Variants in ACOT13 observed in about 807,000 individuals in gnomAD.
ACOT13 encodes the protein acyl-CoA thioesterase 13.
Under a neutral mutation model 11.8 loss-of-function variants are expected in ACOT13, and 10 were observed. The observed-to-expected ratio is 0.85, with a 90% CI of 0.53 to 1.44. The LOEUF (loss-of-function observed/expected upper bound fraction) is 1.44, where lower values mean the gene tolerates loss of function less well. Among genes scored for constraint, ACOT13 ranks in the 40% most tolerant of loss-of-function variants. ACOT13 has a pLI of 0.00. For synonymous variants in ACOT13, 53 were observed against 61.0 expected (o/e 0.87, Z 0.61); for missense variants, 172 against 174.1 (o/e 0.99, Z 0.07).
At chr6:24,668,558 G>C (rs1778303993) in intron 1 of ACOT13, among the ~76,000 whole-genome samples, 1 of 152,206 alleles carries the variant, frequency 6.6e-6, no homozygotes, top group African/African-American at 2.4e-5. Flanking sequence ...GGACACTCCT[G>C]TGTTTGGGGT....
At chr6:24,696,144 C>T (rs1328866069) in intron 1 of ACOT13, among the ~76,000 whole-genome samples, 1 of 152,148 alleles carries the variant, frequency 6.6e-6, no homozygotes, top group African/African-American at 2.4e-5. Flanking sequence ...ATTGATTTAC[C>T]TGTTTTGCAA....
intron 1 of ACOT13, among the ~76,000 whole-genome samples, chr6:24,668,353 G>A (rs1778299858): frequency 6.6e-6 from 1 of 150,504 alleles, no homozygotes; most frequent in Non-Finnish European, 1.5e-5. Context: ...CAAGTAGCTG[G>A]GATGATTACA....
rs1045454930 is a variant in ACOT13, at chr6:24,703,322, C to G, written c.*1707C>G. ...ATTAGATCGCCTGCTGATCTGTCCA[C>G]TGTGAAAGGGCAGAAGACTCCACAG... is the stretch of plus-strand genomic sequence containing the variant. On this transcript the variant is annotated 3_prime_UTR_variant, in exon 3 of 3. Coordinates refer to ENST00000230048, the MANE Select transcript of ACOT13 (RefSeq NM_018473.4). 6.6e-6 allele frequency: 1 copy of G among 152,224 alleles called. No homozygotes were observed. The highest frequency in any genetic ancestry group is 6.5e-5 in the Admixed American group (1 of 15,290). 9.4% of individuals were successfully genotyped at this position (152,224 alleles called of 1,614,324 possible).
intron 1 of ACOT13, among the ~76,000 whole-genome samples, chr6:24,691,053 C>G (rs1319618111): frequency 6.6e-6 from 1 of 152,204 alleles, no homozygotes; most frequent in East Asian, 1.9e-4. Flanking sequence ...GGAGCCAAGT[C>G]CATATGCTTA....
At position 24,703,349 on chromosome 6, in the gene ACOT13, A is replaced by T. The variant is rs145726488; in HGVS notation, c.*1734A>T. The T allele has an allele frequency of 1.3e-5, 2 of 152,390 alleles. No individual in the cohort carries two copies. Among genetic ancestry groups the T allele is most frequent in the Non-Finnish European group, 2.9e-5 (2 of 68,038 alleles). 9.4% of individuals were successfully genotyped at this position (152,390 alleles called of 1,614,324 possible). A position where few individuals can be genotyped will look rare whatever the true frequency, so the allele number is the denominator to read the frequency against. ...GTGAAAGGGCAGAAGACTCCACAGT[A>T]GCAATAGCAGCAGTGAGCATACAGG... On this transcript the variant is annotated 3_prime_UTR_variant, in exon 3 of 3. Coordinates refer to ENST00000230048, the MANE Select transcript of ACOT13 (RefSeq NM_018473.4).
At chr6:24,691,926 G>A (rs1430142362) in intron 1 of ACOT13, among the ~76,000 whole-genome samples, 3 of 152,172 alleles carry the variant, frequency 2.0e-5, no homozygotes, top group Admixed American at 2.0e-4. Context: ...TATCACTTTT[G>A]CACTGTTGTT....
rs933953280 is a variant in ACOT13 at position 24,698,169 on chromosome 6, A to C, written c.266+102A>C. On this transcript the variant is annotated intron_variant, in intron 2 of 2. Transcript: ENST00000230048. Reference sequence around the variant, plus strand: ...TATTAGTAACGCATGAGATTCAATTAGCTGCTTATCTCCTTAACTGCACCT... The same window carrying C: ...TATTAGTAACGCATGAGATTCAATTCGCTGCTTATCTCCTTAACTGCACCT... The C allele has an allele frequency of 9.5e-6, 10 of 1,052,452 alleles. No homozygotes were observed. In the African/African-American group the frequency reaches 1.5e-4, roughly 16 times the overall value. 65.2% of individuals were successfully genotyped at this position (1,052,452 alleles called of 1,614,324 possible). A position where few individuals can be genotyped will look rare whatever the true frequency, so the allele number is the denominator to read the frequency against.
chr6:24,668,041 TG>T (rs1198916267), intron 1 of ACOT13, among the ~76,000 whole-genome samples: 1 of 151,938 alleles, frequency 6.6e-6, no homozygotes, highest in Non-Finnish European at 1.5e-5. Flanking sequence ...CCCGAGTGGC[TG>T]GGATTACAGG....
At chr6:24,701,285 T>C (rs776749145) in intron 2 of ACOT13, 174 bp from the exon 3 acceptor site, 27 of 437,480 alleles carry the variant, frequency 6.2e-5, no homozygotes, top group Non-Finnish European at 9.6e-5. Context: ...ATGGGTAAAA[T>C]AGAACCTGGT....
Position 24,702,638 on chromosome 6 carries a change from G to A in ACOT13, c.*1023G>A, listed in dbSNP as rs978481952. The A allele has an allele frequency of 1.3e-5, 2 of 151,928 alleles. No individual in the cohort carries two copies. The highest frequency in any genetic ancestry group is 2.9e-5 in the Non-Finnish European group (2 of 67,982). 9.4% of individuals were successfully genotyped at this position (151,928 alleles called of 1,614,324 possible). ...CTACACTTGCATTTCCTTTTTTTAA[G>A]ATTATGAAACTTCAAAATATATGAA... On this transcript the variant is annotated 3_prime_UTR_variant, in exon 3 of 3. Transcript: ENST00000230048.
intron 1 of ACOT13, chr6:24,687,777 C>T (rs1028268893): frequency 2.0e-5 from 26 of 1,301,758 alleles, no homozygotes; most frequent in Non-Finnish European, 2.5e-5. Flanking sequence ...ATGGTACGAT[C>T]TTGGCTCAAC....
chr6:24,669,808 C>G (rs1450402350), intron 1 of ACOT13, among the ~76,000 whole-genome samples: 2 of 152,128 alleles, frequency 1.3e-5, no homozygotes, highest in Non-Finnish European at 2.9e-5. Flanking sequence ...ATTCTGAAGT[C>G]CATACATCAG....
At position 24,667,271 on chromosome 6, in the gene ACOT13, G is replaced by T; in HGVS notation, c.8G>T (p.Ser3Ile). MTSMTQSLREVIK... is the reference protein window; with the variant it reads MTIMTQSLREVIK... ...GCTGGAAAACCGTCCACGATGACCA[G>T]CATGACTCAGTCTCTGCGGGAGGTG... Residue 3 changes from serine (S) to isoleucine (I), a missense_variant, in exon 1 of 3, where the codon AGC becomes ATC. Coordinates refer to ENST00000230048, the MANE Select transcript of ACOT13 (RefSeq NM_018473.4). The T allele has an allele frequency of 1.2e-6, 2 of 1,614,146 alleles. No homozygotes were observed. The highest frequency in any genetic ancestry group is 1.7e-6 in the Non-Finnish European group (2 of 1,180,006).
At position 24,685,760 on chromosome 6, in the gene ACOT13, T is replaced by C. The variant is rs547945693; in HGVS notation, c.82-12123T>C. On this transcript the variant is annotated intron_variant, in intron 1 of 2. Transcript: ENST00000230048. ...TGGAGACATTTTTGAGGGACACTAC[T>C]GGCATCTAATGGATAGAGACCAGAA... Among the ~76,000 whole-genome samples the C allele has an allele frequency of 1.1e-4, 17 of 152,350 alleles. No individual in the cohort carries two copies. The East Asian group carries it at 1.5e-3, about 14-fold the overall frequency.
intron 1 of ACOT13, among the ~76,000 whole-genome samples, chr6:24,680,359 G>T (rs1190275352): frequency 1.3e-5 from 2 of 152,138 alleles, no homozygotes; most frequent in African/African-American, 2.4e-5. Context: ...GGTCAAATTG[G>T]TCCTTATTCT....
intron 1 of ACOT13, among the ~76,000 whole-genome samples, chr6:24,681,364 A>G (rs988341132): frequency 6.6e-6 from 1 of 152,262 alleles, no homozygotes; most frequent in African/African-American, 2.4e-5. Flanking sequence ...CAGTGGCCTC[A>G]GTGCTTTTGG....
chr6:24,701,402 ACACAACTTTC>A (rs1778889157), intron 2 of ACOT13, 47 bp from the exon 3 acceptor site: 1 of 1,504,410 alleles, frequency 6.6e-7, no homozygotes, highest in Non-Finnish European at 9.1e-7. Context: ...TGTGAGATGC[ACACAACTTTC>A]CCTTTGAAAA....
intron 1 of ACOT13, among the ~76,000 whole-genome samples, chr6:24,682,781 A>G (rs547307016): frequency 4.7e-4 from 71 of 152,296 alleles, no homozygotes; most frequent in African/African-American, 1.6e-3. Context: ...GAGTGCAGTT[A>G]CAAGATTTAA....
chr6:24,676,936 G>A lies in ACOT13; in HGVS notation c.81+9592G>A, dbSNP rs557425627. 4.6e-5 allele frequency among the ~76,000 whole-genome samples: 7 copies of A among 152,282 alleles called. No homozygotes were observed. The South Asian group carries it at 6.2e-4, about 14-fold the overall frequency. On this transcript the variant is annotated intron_variant, in intron 1 of 2. Coordinates refer to ENST00000230048, the MANE Select transcript of ACOT13 (RefSeq NM_018473.4). ...TCCATATTGCTGCATGGGCATGGAG[G>A]ACTAGGTAAGCGTACTTAGAGTCTG...
Sources: gnomAD v4.1 joint callset for allele counts (sites outside exome capture counted in the v4.1 genomes callset) on GRCh38, gnomAD v4.1.1 for gene constraint, MANE v1.5 for transcripts, NCBI Gene and HGNC (gene_info 2026-07-23, HGNC 2026-07-21) for gene names.